ABHD12: variants seen among roughly 807,000 people sequenced by gnomAD.
ABHD12 encodes the protein lysophosphatidylserine lipase ABHD12.
A neutral mutation model predicts 58.3 loss-of-function variants in ABHD12; 43 were observed. The ratio of observed to expected loss-of-function variants is 0.74; its 90% CI spans 0.58 to 0.95. The LOEUF is 0.95. Ranked by LOEUF, ABHD12 falls within the 40% of genes least tolerant of loss-of-function variation. ABHD12 has a pLI of 0.00. For synonymous variants in ABHD12, 219 were observed against 211.2 expected (o/e 1.04, Z -0.32); for missense variants, 539 against 537.2 (o/e 1.00, Z -0.03).
At chr20:25,369,434 A>T (rs2089869236) in intron 1 of ABHD12, among the ~76,000 whole-genome samples, 1 of 152,190 alleles carries the variant, frequency 6.6e-6, no homozygotes, top group South Asian at 2.1e-4. Flanking sequence ...GGTCAGCTGG[A>T]GTTCTACTAA....
At chr20:25,349,100 GA>G (rs2089562991) in intron 1 of ABHD12, among the ~76,000 whole-genome samples, 1 of 145,624 alleles carries the variant, frequency 6.9e-6, no homozygotes, top group African/African-American at 2.6e-5. Context: ...AAAAAAAAAA[GA>G]AAAAAAGAAA....
At chr20:25,305,053 G>T (rs1343053027) in intron 10 of ABHD12, among the ~76,000 whole-genome samples, 2 of 151,748 alleles carry the variant, frequency 1.3e-5, no homozygotes, top group African/African-American at 4.8e-5. Context: ...TGCATTTTCA[G>T]TTGAGACGGG....
chr20:25,325,645 T>C (rs2089161944), intron 2 of ABHD12, among the ~76,000 whole-genome samples: 1 of 151,942 alleles, frequency 6.6e-6, no homozygotes, highest in Non-Finnish European at 1.5e-5. Flanking sequence ...GCAAGAAGGG[T>C]CCACCTCAGC....
intron 2 of ABHD12, among the ~76,000 whole-genome samples, chr20:25,337,628 C>A (rs1329935509): frequency 6.6e-6 from 1 of 152,244 alleles, no homozygotes; most frequent in Non-Finnish European, 1.5e-5. Context: ...CTTCAAGAAC[C>A]AGCTCATGTG....
At position 25,339,250 on chromosome 20, in the gene ABHD12, G is replaced by A. The variant is rs2146035322; in HGVS notation, c.293C>T (p.Ala98Val). 1.9e-6 allele frequency: 3 copies of A among 1,614,102 alleles called. No individual in the cohort carries two copies. The highest frequency in any genetic ancestry group is 2.5e-6 in the Non-Finnish European group (3 of 1,180,012). ...FLIKLCPGIQ[A>V]KLIFLNFVRV... ...ACCGAAATTCAAGAAAATCAGTTTGGCCTGTATTCCAGGACATAGTTTGAT... is the reference window on the plus strand; with the variant it reads ...ACCGAAATTCAAGAAAATCAGTTTGACCTGTATTCCAGGACATAGTTTGAT... Residue 98 changes from alanine to valine, a missense_variant, in exon 2 of 13, where the codon GCC becomes GTC. Coordinates refer to ENST00000339157, the MANE Select transcript of ABHD12 (RefSeq NM_001042472.3).
intron 2 of ABHD12, among the ~76,000 whole-genome samples, chr20:25,324,715 C>T (rs998018229): frequency 8.5e-5 from 13 of 152,190 alleles, no homozygotes; most frequent in African/African-American, 2.7e-4. Flanking sequence ...ACACTCCTTC[C>T]CAGAAACTCC....
intron 7 of ABHD12, 78 bp from the exon 8 acceptor site, chr20:25,308,572 C>T: frequency 2.0e-6 from 3 of 1,507,788 alleles, no homozygotes; most frequent in Non-Finnish European, 2.7e-6. Context: ...CTGGAAAGTG[C>T]TCAGAGGAGC....
At chr20:25,299,267 C>T (rs537789617), downstream of ABHD12, among the ~76,000 whole-genome samples, 26 of 152,142 alleles carry the variant, frequency 1.7e-4, no homozygotes, top group Non-Finnish European at 2.9e-4. Flanking sequence ...CGTGGTGGCA[C>T]GTGCCTGTAG....
In ABHD12 at chr20:25,339,796, C is replaced by T. The variant is rs79992333; in HGVS notation, c.192-445G>A. ...ACTTATTAGCTCCTGGTAGGAAGCACGTAGACCAAGGACATCAACAGAACC... is the reference window on the plus strand; with the variant it reads ...ACTTATTAGCTCCTGGTAGGAAGCATGTAGACCAAGGACATCAACAGAACC... On this transcript the variant is annotated intron_variant, in intron 1 of 12. Transcript: ENST00000339157. 19 of 1,232,046 alleles carry T rather than the reference C, an allele frequency of 1.5e-5. No individual in the cohort carries two copies. The East Asian group carries it at 3.4e-4, about 22-fold the overall frequency. 76.3% of individuals were successfully genotyped at this position (1,232,046 alleles called of 1,614,324 possible). A position where few individuals can be genotyped will look rare whatever the true frequency, so the allele number is the denominator to read the frequency against.
intron 1 of ABHD12, among the ~76,000 whole-genome samples, chr20:25,382,959 C>T (rs529191494): frequency 1.4e-4 from 21 of 152,210 alleles, no homozygotes; most frequent in East Asian, 3.9e-4. Flanking sequence ...CCAGCTATGG[C>T]GCCATAAACA....
At chr20:25,325,613 G>A (rs74871693) in intron 2 of ABHD12, among the ~76,000 whole-genome samples, 3,173 of 152,218 alleles carry the variant, frequency 0.021, 102 homozygotes, top group African/African-American at 0.072. Context: ...TCTCCAAGCC[G>A]GGAATGCTGC....
At chr20:25,302,911 C>A (rs2088664147) in intron 11 of ABHD12, among the ~76,000 whole-genome samples, 1 of 152,284 alleles carries the variant, frequency 6.6e-6, no homozygotes, top group Admixed American at 6.5e-5. Context: ...GTGGACGAGG[C>A]CTGCACACAC....
chr20:25,313,482 G>A (rs1268835039), intron 6 of ABHD12, among the ~76,000 whole-genome samples: 1 of 151,590 alleles, frequency 6.6e-6, no homozygotes, highest in Non-Finnish European at 1.5e-5. Flanking sequence ...GAAAACCAGA[G>A]ACCTTTGTTC....
At chr20:25,295,508 G>A (rs759263062), downstream of ABHD12, 407 of 1,394,614 alleles carry the variant, frequency 2.9e-4, 1 homozygote, top group Non-Finnish European at 4.0e-4. Context: ...GGACCAGGTG[G>A]ATGGTGCCTG....
chr20:25,299,160 T>A (rs1040657022), downstream of ABHD12, among the ~76,000 whole-genome samples: 5 of 152,192 alleles, frequency 3.3e-5, no homozygotes, highest in African/African-American at 1.2e-4. Context: ...CCCAGCACTT[T>A]GAGAGGCCAA....
chr20:25,385,920 A>C (rs552242323), intron 1 of ABHD12, among the ~76,000 whole-genome samples: 17 of 151,926 alleles, frequency 1.1e-4, no homozygotes, highest in African/African-American at 3.9e-4. Context: ...AACACGGTGA[A>C]ACCCCGTCTC....
intron 1 of ABHD12, among the ~76,000 whole-genome samples, chr20:25,351,816 G>A (rs773649848): frequency 2.6e-5 from 4 of 152,058 alleles, no homozygotes; most frequent in Non-Finnish European, 5.9e-5. Context: ...CAGGAGAACT[G>A]CTTGAACTCA....
downstream of ABHD12, chr20:25,298,086 C>CA (rs1268348268): frequency 6.6e-6 from 1 of 152,276 alleles, no homozygotes; most frequent in African/African-American, 2.4e-5. Flanking sequence ...GCAGAGAACA[C>CA]AGGCCTGAGG....
At chr20:25,331,792 C>G (rs561606338) in intron 2 of ABHD12, among the ~76,000 whole-genome samples, 12 of 152,104 alleles carry the variant, frequency 7.9e-5, no homozygotes, top group East Asian at 1.9e-4. Context: ...CCCTAAAAGA[C>G]CTCCTGAAGG....
Sources: allele counts gnomAD v4.1 joint callset (sites outside exome capture counted in the v4.1 genomes callset), GRCh38; gene constraint gnomAD v4.1.1; transcripts MANE v1.5; gene names NCBI Gene and HGNC (gene_info 2026-07-23, HGNC 2026-07-21).